Variants in NUP62CL observed in about 807,000 individuals in gnomAD.
NUP62CL encodes nucleoporin 62 C-terminal like, also known as nucleoporin-62 C-terminal-like protein.
NUP62CL carries 13 observed loss-of-function variants against 15.3 expected under a neutral mutation model. The ratio of observed to expected loss-of-function variants is 0.85; its 90% CI spans 0.55 to 1.35. The LOEUF (loss-of-function observed/expected upper bound fraction) is 1.35. Ranked by LOEUF, NUP62CL falls within the 40% of genes most tolerant of loss-of-function variation. The probability of loss-of-function intolerance (pLI) is 0.00; values close to 1 mark genes in which losing one functional copy is unlikely to be tolerated. For synonymous variants in NUP62CL, 54 were observed against 49.2 expected (o/e 1.10, Z -0.41); for missense variants, 123 against 130.6 (o/e 0.94, Z 0.28).
chrX:107,185,415 A>G (rs1315597461), intron 2 of NUP62CL, among the ~76,000 whole-genome samples: 2 of 111,169 alleles, frequency 1.8e-5, no homozygotes, highest in Non-Finnish European at 3.8e-5. Context: ...GGCTCTAAAT[A>G]TATGTAGAGG....
intron 2 of NUP62CL, among the ~76,000 whole-genome samples, chrX:107,179,561 T>C (rs1569363540): frequency 8.9e-6 from 1 of 112,108 alleles, no homozygotes. Context: ...TCTGGCTCCA[T>C]CCATGATATC....
intron 2 of NUP62CL, among the ~76,000 whole-genome samples, chrX:107,182,241 G>A (rs185068866): frequency 9.2e-4 from 103 of 112,169 alleles, no homozygotes; most frequent in African/African-American, 3.2e-3. Flanking sequence ...TTTGCTGTGG[G>A]GGACTGAACT....
intron 4 of NUP62CL, among the ~76,000 whole-genome samples, chrX:107,160,464 A>T (rs762166205): frequency 4.4e-4 from 47 of 107,912 alleles, no homozygotes; most frequent in African/African-American, 1.6e-3. Context: ...CAGAGCCCTC[A>T]GAAATAACGC....
chrX:107,204,569 C>A (rs1485685640), intron 1 of NUP62CL, among the ~76,000 whole-genome samples: 1 of 110,180 alleles, frequency 9.1e-6, no homozygotes, highest in Non-Finnish European at 1.9e-5. Context: ...TCACTGAACA[C>A]CTGTGCACTT....
intron 4 of NUP62CL, among the ~76,000 whole-genome samples, chrX:107,162,187 CAAAG>C (rs1926402701): frequency 9.1e-6 from 1 of 109,547 alleles, no homozygotes; most frequent in Non-Finnish European, 1.9e-5. Flanking sequence ...TTACAGAAAA[CAAAG>C]AAAAACTTCG....
chrX:107,148,457 C>A (rs1179932722), intron 7 of NUP62CL, among the ~76,000 whole-genome samples: 1 of 111,023 alleles, frequency 9.0e-6, no homozygotes, highest in African/African-American at 3.3e-5. Context: ...AAAGTCAACC[C>A]TGATGAAACA....
At chrX:107,128,353 T>C (rs1451745258) in intron 8 of NUP62CL, among the ~76,000 whole-genome samples, 3 of 112,297 alleles carry the variant, frequency 2.7e-5, no homozygotes, top group Non-Finnish European at 5.6e-5. Context: ...CATGTGCACA[T>C]GTCTGTTAGC....
chrX:107,162,315 A>G (rs1296138433), intron 4 of NUP62CL, among the ~76,000 whole-genome samples: 1 of 111,407 alleles, frequency 9.0e-6, no homozygotes, highest in Non-Finnish European at 1.9e-5. Context: ...TGAAAAACGT[A>G]TTTAAAAAAA....
intron 1 of NUP62CL, among the ~76,000 whole-genome samples, chrX:107,203,422 T>G (rs1273022651): frequency 9.2e-6 from 1 of 109,274 alleles, no homozygotes; most frequent in African/African-American, 3.3e-5. Flanking sequence ...TTTTTAATAT[T>G]TTTTATGGAG....
chrX:107,183,058 C>A (rs762932598), intron 2 of NUP62CL, among the ~76,000 whole-genome samples: 1 of 111,039 alleles, frequency 9.0e-6, no homozygotes, highest in African/African-American at 3.3e-5. Context: ...CCAGGCATGG[C>A]GGCATGTGCC....
At chrX:107,131,573 G>A in intron 8 of NUP62CL, 1 of 408,349 alleles carries the variant, frequency 2.4e-6, no homozygotes, top group South Asian at 3.2e-5. Flanking sequence ...GAGAATGTAG[G>A]GCCGGTACTC....
At chrX:107,141,451 C>T (rs1925763925) in intron 8 of NUP62CL, among the ~76,000 whole-genome samples, 1 of 112,061 alleles carries the variant, frequency 8.9e-6, no homozygotes, top group Non-Finnish European at 1.9e-5. Context: ...AAGTGAACCT[C>T]ACAAACAGAG....
At chrX:107,165,663 G>A (rs1477302567) in intron 4 of NUP62CL, among the ~76,000 whole-genome samples, 1 of 111,707 alleles carries the variant, frequency 9.0e-6, no homozygotes, top group Admixed American at 9.5e-5. Flanking sequence ...ATGCAGGGCT[G>A]GTTGAACATC....
intron 3 of NUP62CL, among the ~76,000 whole-genome samples, chrX:107,173,161 T>C (rs1264003954): frequency 1.8e-5 from 2 of 111,935 alleles, no homozygotes; most frequent in Non-Finnish European, 3.8e-5. Context: ...TCAAAAACAG[T>C]GAGAAATTTA....
chrX:107,205,972 A>G (rs1425489570), intron 1 of NUP62CL, among the ~76,000 whole-genome samples: 3 of 110,503 alleles, frequency 2.7e-5, no homozygotes, highest in Non-Finnish European at 3.8e-5. Flanking sequence ...CCTTGCCTAC[A>G]GAGGAGAATA....
intron 8 of NUP62CL, among the ~76,000 whole-genome samples, chrX:107,139,657 G>A (rs186610752): frequency 6.3e-5 from 7 of 111,979 alleles, no homozygotes; most frequent in Admixed American, 5.7e-4. Context: ...TTCACCGTAT[G>A]TTTCCTCATT....
At chrX:107,188,217 T>C (rs1443333802) in intron 2 of NUP62CL, among the ~76,000 whole-genome samples, 1 of 111,842 alleles carries the variant, frequency 8.9e-6, no homozygotes, top group Non-Finnish European at 1.9e-5. Flanking sequence ...AATGAAATAA[T>C]AGCAAATATA....
chrX:107,204,726 TTAAATAAATTTTAAATAAATTATTTAAA>T (rs1927578934), intron 1 of NUP62CL, among the ~76,000 whole-genome samples: 8 of 91,643 alleles, frequency 8.7e-5, no homozygotes, highest in Non-Finnish European at 1.4e-4. Context: ...AATTATTTAT[TTAAATAAATTTTAAATAAATTATTTAAA>T]TAAATTTTAA....
rs1925310503 is a variant in NUP62CL, at chrX:107,123,575, A to G, written c.*800T>C. On this transcript the variant is annotated 3_prime_UTR_variant, in exon 9 of 9. Coordinates refer to ENST00000372466, the MANE Select transcript of NUP62CL (RefSeq NM_017681.3). Reference sequence around the variant, plus strand: ...GAACAAGGCTTATTTAAAACAAAACAAAACAAACAAACAAAAAAAAAGAAA... The same window carrying G: ...GAACAAGGCTTATTTAAAACAAAACGAAACAAACAAACAAAAAAAAAGAAA... The G allele has an allele frequency of 9.0e-6, 1 of 111,499 alleles. No homozygotes were observed. Among genetic ancestry groups the G allele is most frequent in the Non-Finnish European group, 1.9e-5 (1 of 53,081 alleles). 9.2% of individuals were successfully genotyped at this position (111,499 alleles called of 1,213,427 possible).
Sources: allele counts gnomAD v4.1 joint callset (sites outside exome capture counted in the v4.1 genomes callset), GRCh38; gene constraint gnomAD v4.1.1; transcripts MANE v1.5; gene names NCBI Gene and HGNC (gene_info 2026-07-23, HGNC 2026-07-21).